Variants in NXPE4 observed in about 807,000 individuals in gnomAD.
NXPE4 encodes the protein NXPE family member 4.
NXPE4 carries 42 observed loss-of-function variants against 33.3 expected under a neutral mutation model. That is an observed-to-expected ratio of 1.26 (90% CI 0.98 to 1.63). The LOEUF is 1.63. Ranked by LOEUF, NXPE4 falls within the 40% of genes most tolerant of loss-of-function variation. The pLI is 0.00. For missense variants in NXPE4, 709 were observed against 647.6 expected, an observed-to-expected ratio of 1.09 and a Z score of -1.03; for synonymous variants, 253 against 234.9, an observed-to-expected ratio of 1.08 and a Z score of -0.71.
the NXPE4 span, among the ~76,000 whole-genome samples, chr11:114,654,236 G>A: frequency 6.6e-6 from 1 of 151,982 alleles, no homozygotes; most frequent in African/African-American, 2.4e-5. Context: ...CACATCCAAA[G>A]CCCCTCAGGA....
At chr11:114,631,676 T>C in the NXPE4 span, among the ~76,000 whole-genome samples, 1 of 151,918 alleles carries the variant, frequency 6.6e-6, no homozygotes, top group Non-Finnish European at 1.5e-5. Context: ...AGTATATATA[T>C]AAAAAAAGTA....
At chr11:114,637,222 C>T in the NXPE4 span, among the ~76,000 whole-genome samples, 2 of 151,806 alleles carry the variant, frequency 1.3e-5, no homozygotes, top group African/African-American at 2.4e-5. Context: ...AAGTAATGGC[C>T]TTCTTTGTCT....
chr11:114,606,768 A>G, the NXPE4 span, among the ~76,000 whole-genome samples: 3 of 151,862 alleles, frequency 2.0e-5, no homozygotes, highest in East Asian at 5.8e-4. Flanking sequence ...CACAGGGGTA[A>G]CCACTATTAT....
chr11:114,663,815 G>A, the NXPE4 span, among the ~76,000 whole-genome samples: 3 of 151,994 alleles, frequency 2.0e-5, no homozygotes, highest in Admixed American at 1.3e-4. Flanking sequence ...ATATGGAGAT[G>A]GATCATCCAG....
At chr11:114,664,395 C>T in the NXPE4 span, among the ~76,000 whole-genome samples, 1 of 152,110 alleles carries the variant, frequency 6.6e-6, no homozygotes. Context: ...TGGAATTATT[C>T]TCTATCTTGA....
At chr11:114,633,837 G>A in the NXPE4 span, among the ~76,000 whole-genome samples, 2 of 151,982 alleles carry the variant, frequency 1.3e-5, no homozygotes, top group African/African-American at 4.8e-5. Flanking sequence ...GTGTATATGT[G>A]CCACATTATC....
chr11:114,634,342 C>G, the NXPE4 span, among the ~76,000 whole-genome samples: 1 of 151,784 alleles, frequency 6.6e-6, no homozygotes. Context: ...TGTTTGAGTT[C>G]ATTGTAGATT....
the NXPE4 span, among the ~76,000 whole-genome samples, chr11:114,623,420 G>C: frequency 6.6e-6 from 1 of 152,040 alleles, no homozygotes; most frequent in Non-Finnish European, 1.5e-5. Context: ...TTACCCGCTG[G>C]ATAATAAGTA....
chr11:114,609,244 A>T, the NXPE4 span, among the ~76,000 whole-genome samples: 1 of 151,380 alleles, frequency 6.6e-6, no homozygotes, highest in Admixed American at 6.6e-5. Flanking sequence ...AACCACTCTT[A>T]CCCAGTGGTT....
intron 5 of NXPE4, among the ~76,000 whole-genome samples, chr11:114,578,931 T>C (rs1444372639): frequency 6.6e-6 from 1 of 152,232 alleles, no homozygotes; most frequent in East Asian, 1.9e-4. Flanking sequence ...CCTTGCAATG[T>C]GTTAAACACT....
the NXPE4 span, among the ~76,000 whole-genome samples, chr11:114,640,586 G>A: frequency 6.8e-4 from 103 of 151,912 alleles, no homozygotes; most frequent in Non-Finnish European, 1.3e-3. Flanking sequence ...ATGCATAAGT[G>A]TTCCCTTTTC....
At chr11:114,626,242 G>T in the NXPE4 span, among the ~76,000 whole-genome samples, 2 of 152,220 alleles carry the variant, frequency 1.3e-5, no homozygotes, top group Non-Finnish European at 1.5e-5. Flanking sequence ...CAAACAAAAA[G>T]ACAGCAGTAA....
chr11:114,675,869 C>G, the NXPE4 span, among the ~76,000 whole-genome samples: 1 of 151,850 alleles, frequency 6.6e-6, no homozygotes, highest in African/African-American at 2.4e-5. Flanking sequence ...CTCTAGTAAT[C>G]AAAACAGCAT....
chr11:114,618,948 G>C, the NXPE4 span, among the ~76,000 whole-genome samples: 9 of 152,190 alleles, frequency 5.9e-5, no homozygotes, highest in African/African-American at 2.2e-4. Flanking sequence ...TGGATAATAA[G>C]TAGTACCGCA....
chr11:114,582,680 C>T lies in NXPE4; in HGVS notation c.438G>A (p.Ala146=), dbSNP rs752391000. ...CCTTTCCTGAAGCACCTGCCATCAG[C>T]GCTGGGGAAGACATCCTGGCCCTCA... is the stretch of plus-strand genomic sequence containing the variant. ...DFLRARMSSP[A]LMAGASGKVT... Residue 146 remains alanine (A), a synonymous_variant, in exon 3 of 6, where the codon GCG becomes GCA. Transcript: ENST00000375478. The T allele has an allele frequency of 7.6e-5, 122 of 1,614,130 alleles. No homozygotes were observed. The highest frequency in any genetic ancestry group is 9.8e-5 in the Non-Finnish European group (116 of 1,180,006).
chr11:114,584,459 C>T (rs1439316466), intron 2 of NXPE4: 3 of 202,484 alleles, frequency 1.5e-5, no homozygotes, highest in Non-Finnish European at 3.1e-5. Context: ...AAGACCCTGA[C>T]AAGCTCATCT....
chr11:114,652,993 T>C, the NXPE4 span, among the ~76,000 whole-genome samples: 3 of 152,136 alleles, frequency 2.0e-5, no homozygotes, highest in Non-Finnish European at 2.9e-5. Context: ...AGAAGCAAAT[T>C]TGCAACCTCT....
the NXPE4 span, among the ~76,000 whole-genome samples, chr11:114,627,045 T>G: frequency 1.1e-3 from 169 of 151,998 alleles, no homozygotes; most frequent in African/African-American, 2.0e-3. Context: ...ACATCTCATT[T>G]GTGTACCTGA....
chr11:114,582,509 G>A lies in NXPE4; in HGVS notation c.609C>T (p.Ile203=), dbSNP rs1433349102. Residue 203 remains isoleucine (I), a synonymous_variant, in exon 3 of 6, where the codon ATC becomes ATT. Transcript: ENST00000375478. ...SARNQGYDRV[I]FTGQFVNGTS... ...TGCCATTGACAAACTGGCCAGTGAA[G>A]ATCACCCTGTCATAGCCTTGGTTCC... The A allele has an allele frequency of 6.2e-7, 1 of 1,614,004 alleles. No individual in the cohort carries two copies. The highest frequency in any genetic ancestry group is 8.5e-7 in the Non-Finnish European group (1 of 1,180,002).
Sources: gnomAD v4.1 joint callset for allele counts (sites outside exome capture counted in the v4.1 genomes callset) on GRCh38, gnomAD v4.1.1 for gene constraint, MANE v1.5 for transcripts, NCBI Gene and HGNC (gene_info 2026-07-23, HGNC 2026-07-21) for gene names.